Variants in MAPK7 observed in about 807,000 individuals in gnomAD.
MAPK7 encodes the protein mitogen-activated protein kinase 7.
In MAPK7, 30 loss-of-function variants were observed where a neutral mutation model predicts 56.9. That is an observed-to-expected ratio of 0.53 (90% CI 0.39 to 0.72). The LOEUF is 0.72. Among genes scored for constraint, MAPK7 ranks in the 30% least tolerant of loss-of-function variants. The probability of loss-of-function intolerance (pLI) is 0.00; values close to 1 mark genes in which losing one functional copy is unlikely to be tolerated. For synonymous variants in MAPK7, 516 were observed against 449.3 expected, an observed-to-expected ratio of 1.15 and a Z score of -1.88; for missense variants, 952 against 1,110.8, an observed-to-expected ratio of 0.86 and a Z score of 2.03.
At chr17:19,380,343 T>C in intron 3 of MAPK7, 3 of 772,594 alleles carry the variant, frequency 3.9e-6, no homozygotes, top group South Asian at 2.8e-5. Context: ...GGAAACCTAT[T>C]GGCCAGCCCT....
chr17:19,381,930 C>T lies in MAPK7; in HGVS notation c.1627C>T (p.Arg543Trp), dbSNP rs1370617055. The T allele has an allele frequency of 3.2e-6, 5 of 1,552,340 alleles. No individual in the cohort carries two copies. Among genetic ancestry groups the T allele is most frequent in the East Asian group, 2.4e-5 (1 of 40,998 alleles). ...GCGGCAGGAGCGGGAGCGAAAGGAACGGGGGGCTGGGGCCTCTGGGGGCCC... is the reference window on the plus strand; with the variant it reads ...GCGGCAGGAGCGGGAGCGAAAGGAATGGGGGGCTGGGGCCTCTGGGGGCCC... ...KRRQERERKERGAGASGGPST... is the reference protein window; with the variant it reads ...KRRQERERKEWGAGASGGPST... The change falls in exon 5 of 7, where the codon CGG (arginine) becomes TGG (tryptophan). Residue 543 changes from arginine (R) to tryptophan (W), a missense_variant. Around this residue, in one of 5 missense-constraint regions of MAPK7, gnomAD observed 429 missense variants for 533.0 expected, o/e 0.80. Coordinates refer to ENST00000395604, the MANE Select transcript of MAPK7 (RefSeq NM_002749.4). The surrounding 1 kb of genome is among the most constrained non-coding windows in gnomAD (Gnocchi z 4.6).
upstream of MAPK7, chr17:19,378,297 C>T: frequency 2.0e-6 from 2 of 987,682 alleles, no homozygotes; most frequent in Non-Finnish European, 2.4e-6. The surrounding 1 kb of genome is among the most constrained non-coding windows in gnomAD (Gnocchi z 5.4). Context: ...GAGCACACCC[C>T]TGCGAAGTGC....
chr17:19,378,641 C>T lies in MAPK7; in HGVS notation c.-6+11C>T, dbSNP rs1912316830. ...TGAGGAGGCGCGGGGGTGAGTGCGG[C>T]CCTGAGGAAACCCAGGTGCCCCGCC... On this transcript the variant is annotated intron_variant, in intron 1 of 6. Transcript: ENST00000395604. This position sits in a 1 kb window ranked among gnomAD's most constrained non-coding sequence, Gnocchi z 5.4. The T allele has an allele frequency of 7.2e-7, 1 of 1,397,442 alleles. No homozygotes were observed. Among genetic ancestry groups the T allele is most frequent in the South Asian group, 1.6e-5 (1 of 63,426 alleles). The allele number at this position is 1,397,442 out of a possible 1,614,324, so 86.6% of individuals were successfully genotyped here. A position where few individuals can be genotyped will look rare whatever the true frequency, so the allele number is the denominator to read the frequency against.
Position 19,381,340 on chromosome 17 carries a change from T to C in MAPK7, c.1131T>C (p.Ile377=). 6.8e-6 allele frequency: 11 copies of C among 1,614,080 alleles called. No homozygotes were observed. The highest frequency in any genetic ancestry group is 9.3e-6 in the Non-Finnish European group (11 of 1,180,024). Residue 377 remains isoleucine, a synonymous_variant, in exon 4 of 7, where the codon ATT becomes ATC. Coordinates refer to ENST00000395604, the MANE Select transcript of MAPK7 (RefSeq NM_002749.4). The surrounding 1 kb of genome is among the most constrained non-coding windows in gnomAD (Gnocchi z 4.6). The stretch of plus-strand genomic sequence containing the variant: ...GCGAAGCCCTCACTCGGGAGCGCAT[T>C]AAGGAGGCCATTGTGGCTGAAATTG... ...FDREALTRER[I]KEAIVAEIED...
chr17:19,378,400 T>C (rs1167343152), upstream of MAPK7: 2 of 991,042 alleles, frequency 2.0e-6, no homozygotes, highest in African/African-American at 3.5e-5. The surrounding 1 kb of genome is among the most constrained non-coding windows in gnomAD (Gnocchi z 5.4). Context: ...TTGGACGCAG[T>C]AGGTAGAAGG....
At position 19,381,982 on chromosome 17, in the gene MAPK7, T is replaced by C; in HGVS notation, c.1679T>C (p.Val560Ala). ...GPSTDPLAGL[V>A]LSDNDRSLLE... Reference sequence around the variant, plus strand: ...TCCACTGACCCCTTGGCTGGACTAGTGCTCAGTGACAATGACAGAAGCCTG... The same window carrying C: ...TCCACTGACCCCTTGGCTGGACTAGCGCTCAGTGACAATGACAGAAGCCTG... The change falls in exon 5 of 7, where the codon GTG (valine) becomes GCG (alanine). Residue 560 changes from valine (V) to alanine (A), a missense_variant. Physicochemically the swap from Val to Ala is moderately conservative, Grantham distance 64. Transcript: ENST00000395604. This position sits in a 1 kb window ranked among gnomAD's most constrained non-coding sequence, Gnocchi z 4.6. 6.4e-7 allele frequency: 1 copy of C among 1,552,052 alleles called. No homozygotes were observed. Among genetic ancestry groups the C allele is most frequent in the Non-Finnish European group, 8.7e-7 (1 of 1,147,366 alleles).
chr17:19,383,477 T>C lies in MAPK7; in HGVS notation c.*246T>C. The C allele has an allele frequency of 5.9e-6, 2 of 340,250 alleles. No individual in the cohort carries two copies. The highest frequency in any genetic ancestry group is 1.9e-4 in the South Asian group (2 of 10,298). The allele number at this position is 340,250 out of a possible 1,614,324, so 21.1% of individuals were successfully genotyped here. A position where few individuals can be genotyped will look rare whatever the true frequency, so the allele number is the denominator to read the frequency against. On this transcript the variant is annotated 3_prime_UTR_variant, in exon 7 of 7. Coordinates refer to ENST00000395604, the MANE Select transcript of MAPK7 (RefSeq NM_002749.4). ...TATTATATTTTTATTATTATTATGT[T>C]ATTATTACACTGTCTTTTTGCCATC... is the stretch of plus-strand genomic sequence containing the variant.
Position 19,381,630 on chromosome 17 carries a change from A to C in MAPK7, c.1421A>C (p.Asn474Thr). 1 of 1,612,882 alleles carries C rather than the reference A, an allele frequency of 6.2e-7. No individual in the cohort carries two copies. Among genetic ancestry groups the C allele is most frequent in the Non-Finnish European group, 8.5e-7 (1 of 1,179,438 alleles). ...AAGAAAGATGGTGCCATCTCAGACA[A>C]TACTAAGGCTGCCCTTAAAGCTGCC... Reference protein sequence around the residue: ...PPKKDGAISDNTKAALKAALL... With the variant: ...PPKKDGAISDTTKAALKAALL... Residue 474 changes from asparagine (N) to threonine (T), a missense_variant, in exon 4 of 7, where the codon AAT becomes ACT. By Grantham distance (65) the Asn-to-Thr change is moderately conservative (BLOSUM62 0). Coordinates refer to ENST00000395604, the MANE Select transcript of MAPK7 (RefSeq NM_002749.4). This position sits in a 1 kb window ranked among gnomAD's most constrained non-coding sequence, Gnocchi z 4.6.
chr17:19,378,488 G>T, upstream of MAPK7: 2 of 1,042,318 alleles, frequency 1.9e-6, no homozygotes, highest in Non-Finnish European at 2.3e-6. The surrounding 1 kb of genome is among the most constrained non-coding windows in gnomAD (Gnocchi z 5.4). Context: ...CGGGGCGGAG[G>T]GGGACGGACA....
At chr17:19,379,210 G>C in intron 2 of MAPK7, 78 bp downstream of exon 2, 1 of 1,339,362 alleles carries the variant, frequency 7.5e-7, no homozygotes, top group Non-Finnish European at 1.0e-6. Flanking sequence ...CAGACAGCCG[G>C]GAAGGAAAGC....
chr17:19,381,455 G>A lies in MAPK7; in HGVS notation c.1246G>A (p.Asp416Asn). The A allele has an allele frequency of 6.2e-7, 1 of 1,614,154 alleles. No individual in the cohort carries two copies. Among genetic ancestry groups the A allele is most frequent in the Non-Finnish European group, 8.5e-7 (1 of 1,180,044 alleles). The change falls in exon 4 of 7, where the codon GAT becomes AAT. Residue 416 changes from aspartate (D) to asparagine (N), a missense_variant. Asp to Asn is a conservative substitution (Grantham distance 23). Around this residue, in one of 5 missense-constraint regions of MAPK7, gnomAD observed 429 missense variants for 533.0 expected, o/e 0.80. Transcript: ENST00000395604. The surrounding 1 kb of genome is among the most constrained non-coding windows in gnomAD (Gnocchi z 4.6). ...QPVASEPGCP[D>N]VEMPSPWAPS... ...TGTGGCTAGTGAGCCTGGCTGTCCA[G>A]ATGTTGAAATGCCCAGTCCCTGGGC... is the stretch of plus-strand genomic sequence containing the variant.
rs903478339 is a variant in MAPK7, at chr17:19,378,830, C to A, written c.-5-66C>A. 5.5e-5 allele frequency: 77 copies of A among 1,405,316 alleles called. No individual in the cohort carries two copies. The African/African-American group carries it at 1.1e-3, about 19-fold the overall frequency. 87.1% of individuals were successfully genotyped at this position (1,405,316 alleles called of 1,614,324 possible). Reference sequence around the variant, plus strand: ...TGGGAAGTTCCCTGGTCCTGCTCCCCAGCCCGCAGAGGGGACACTGAGGCC... The same window carrying A: ...TGGGAAGTTCCCTGGTCCTGCTCCCAAGCCCGCAGAGGGGACACTGAGGCC... On this transcript the variant is annotated intron_variant, in intron 1 of 6. Transcript: ENST00000395604. This position sits in a 1 kb window ranked among gnomAD's most constrained non-coding sequence, Gnocchi z 5.4.
At chr17:19,380,519 C>T (rs776271936) in intron 3 of MAPK7, 89 bp from the exon 4 acceptor site, 8 of 1,504,240 alleles carry the variant, frequency 5.3e-6, no homozygotes, top group Admixed American at 4.4e-5. Flanking sequence ...TGTTACCTGT[C>T]TGGAATCGGA....
In MAPK7 at chr17:19,383,229, T is replaced by G. The variant is rs77296467; in HGVS notation, c.2449T>G (p.Ter817GlyextTer31). Reference protein sequence around the residue: ...LADLPDLQDP* With the variant: ...LADLPDLQDPG The stretch of plus-strand genomic sequence containing the variant: ...TGACCTGCCTGACCTCCAGGACCCC[T>G]GAGGCCCCCAGCCTGTGCCTTGCTG... The change falls in exon 7 of 7, where the codon TGA (stop) becomes GGA (glycine). Residue 817 changes from the stop codon to glycine, a stop_lost. Transcript: ENST00000395604. 6.2e-7 allele frequency: 1 copy of G among 1,613,626 alleles called. No individual in the cohort carries two copies. Among genetic ancestry groups the G allele is most frequent in the Non-Finnish European group, 8.5e-7 (1 of 1,179,860 alleles).
Position 19,382,226 on chromosome 17 carries a change from C to A in MAPK7, c.1923C>A (p.His641Gln). The A allele has an allele frequency of 6.2e-7, 1 of 1,611,452 alleles. No individual in the cohort carries two copies. Among genetic ancestry groups the A allele is most frequent in the East Asian group, 2.2e-5 (1 of 44,834 alleles). ...GCCCACCCCCTGGCCCTGCACCCCA[C>A]CCCACTGGCCCTCCTGGGCCCATCC... The part of the protein sequence containing the change: ...PACPPPGPAP[H>Q]PTGPPGPIPV... Residue 641 changes from histidine to glutamine, a missense_variant, in exon 5 of 7, where the codon CAC (histidine) becomes CAA (glutamine). Physicochemically the swap from His to Gln is conservative, Grantham distance 24 (BLOSUM62 0). Transcript: ENST00000395604.
rs761408159 is a variant in MAPK7 at position 19,381,720 on chromosome 17, AGACTTG to A, written c.1477+44_1478-46del. 18 of 1,546,838 alleles carry A rather than the reference AGACTTG, an allele frequency of 1.2e-5. No homozygotes were observed. The East Asian group carries it at 1.6e-4, about 14-fold the overall frequency. The stretch of plus-strand genomic sequence containing the variant: ...TGGGCAGGTCGGGTGGGCAGAGGGG[AGACTTG>A]GACTTGGACAAGGCTTCAGGCTTTT... On this transcript the variant is annotated intron_variant, in intron 4 of 6. Coordinates refer to ENST00000395604, the MANE Select transcript of MAPK7 (RefSeq NM_002749.4). The surrounding 1 kb of genome is among the most constrained non-coding windows in gnomAD (Gnocchi z 4.6).
rs375097687 is a variant in MAPK7 at position 19,381,316 on chromosome 17, C to A, written c.1107C>A (p.Arg369=). The A allele has an allele frequency of 8.7e-6, 14 of 1,613,980 alleles. No homozygotes were observed. The highest frequency in any genetic ancestry group is 1.6e-4 in the Middle Eastern group (1 of 6,084). The change falls in exon 4 of 7, where the codon CGC becomes CGA. Residue 369 remains arginine (R), a synonymous_variant. Coordinates refer to ENST00000395604, the MANE Select transcript of MAPK7 (RefSeq NM_002749.4). The surrounding 1 kb of genome is among the most constrained non-coding windows in gnomAD (Gnocchi z 4.6). ...CGCCCTTTGACTTTGCCTTTGACCG[C>A]GAAGCCCTCACTCGGGAGCGCATTA... is the stretch of plus-strand genomic sequence containing the variant. ...CAPPFDFAFD[R]EALTRERIKE... is the part of the protein sequence containing the mutation.
chr17:19,379,720 T>C, intron 2 of MAPK7, 62 bp from the exon 3 acceptor site: 16 of 1,515,670 alleles, frequency 1.1e-5, no homozygotes, highest in Non-Finnish European at 1.4e-5. Flanking sequence ...TGATAGGGGC[T>C]GAGTCGACTC....
Position 19,382,208 on chromosome 17 carries a change from C to G in MAPK7, c.1905C>G (p.Pro635=). The stretch of plus-strand genomic sequence containing the variant: ...CTGTACCCCAGCCTGCCTGCCCACC[C>G]CCTGGCCCTGCACCCCACCCCACTG... ...SGPVPQPACP[P]PGPAPHPTGP... is the part of the protein sequence containing the mutation. Residue 635 remains proline, a synonymous_variant, in exon 5 of 7, where the codon CCC becomes CCG. Transcript: ENST00000395604. 1 of 1,611,878 alleles carries G rather than the reference C, an allele frequency of 6.2e-7. No homozygotes were observed. Among genetic ancestry groups the G allele is most frequent in the Admixed American group, 1.7e-5 (1 of 59,980 alleles).
Sources: allele counts gnomAD v4.1 joint callset, GRCh38; gene constraint gnomAD v4.1.1; regional missense constraint gnomAD v4.1.1; non-coding constraint Gnocchi (gnomAD v3.1); transcripts MANE v1.5; gene names NCBI Gene and HGNC (gene_info 2026-07-23, HGNC 2026-07-21).